Variants in PLEKHH2 observed in about 807,000 individuals in gnomAD.
PLEKHH2 encodes pleckstrin homology domain-containing family H member 2.
PLEKHH2 carries 129 observed loss-of-function variants against 187.9 expected under a neutral mutation model. The ratio of observed to expected loss-of-function variants is 0.69; its 90% CI spans 0.59 to 0.79. The LOEUF is 0.79. Among genes scored for constraint, PLEKHH2 ranks in the 30% least tolerant of loss-of-function variants. The pLI, the probability that PLEKHH2 is intolerant of heterozygous loss-of-function variation, is 0.00. For synonymous variants in PLEKHH2, 686 were observed against 605.6 expected (o/e 1.13, Z -1.95); for missense variants, 2,076 against 1,751.2 (o/e 1.19, Z -3.31).
At chr2:43,747,558 G>A (rs942064228) in intron 24 of PLEKHH2, among the ~76,000 whole-genome samples, 2 of 152,168 alleles carry the variant, frequency 1.3e-5, no homozygotes, top group Non-Finnish European at 2.9e-5. Context: ...AAATGGTAAT[G>A]TACTTTGGCA....
chr2:43,762,424 A>G, intron 28 of PLEKHH2, 34 bp downstream of exon 28: 1 of 1,473,450 alleles, frequency 6.8e-7, no homozygotes, highest in Non-Finnish European at 9.5e-7. Flanking sequence ...GCATTAAGTC[A>G]ACTGTTTCCA....
At chr2:43,692,735 G>C (rs1353570824) in intron 4 of PLEKHH2, 72 bp downstream of exon 4, 4 of 1,480,026 alleles carry the variant, frequency 2.7e-6, no homozygotes, top group Non-Finnish European at 3.7e-6. Context: ...ATTAAAAAGA[G>C]AGAGCCTAAA....
At chr2:43,674,119 C>T (rs191686245) in intron 2 of PLEKHH2, among the ~76,000 whole-genome samples, 33 of 152,274 alleles carry the variant, frequency 2.2e-4, no homozygotes, top group African/African-American at 7.5e-4. Context: ...GTAGAAAGAC[C>T]TGTATTAGTT....
At chr2:43,729,779 G>T in intron 18 of PLEKHH2, 34 bp downstream of exon 18, 1 of 1,447,964 alleles carries the variant, frequency 6.9e-7, no homozygotes. Flanking sequence ...AAGCTTTATG[G>T]TTAATGAAAT....
chr2:43,740,900 C>A, intron 20 of PLEKHH2, 46 bp from the exon 21 acceptor site: 1 of 1,600,660 alleles, frequency 6.2e-7, no homozygotes, highest in South Asian at 1.1e-5. Flanking sequence ...ATGTGGATCT[C>A]TGACTGGCAC....
intron 19 of PLEKHH2, among the ~76,000 whole-genome samples, chr2:43,735,100 G>A (rs1394289664): frequency 2.0e-5 from 3 of 152,186 alleles, no homozygotes; most frequent in Non-Finnish European, 4.4e-5. Context: ...TGAGGCACAA[G>A]AATCGCTTGA....
chr2:43,739,051 C>T (rs765198605), intron 20 of PLEKHH2, among the ~76,000 whole-genome samples: 5 of 152,080 alleles, frequency 3.3e-5, no homozygotes, highest in Non-Finnish European at 5.9e-5. Context: ...GCCAACACTC[C>T]CGGCTAATTT....
chr2:43,677,868 C>T (rs1280374723), intron 2 of PLEKHH2, among the ~76,000 whole-genome samples: 16 of 110,510 alleles, frequency 1.4e-4, no homozygotes, highest in South Asian at 5.7e-4. Flanking sequence ...GGCGGCTGGC[C>T]GGGCGGGGGG....
chr2:43,750,032 T>C (rs986379577), intron 24 of PLEKHH2, among the ~76,000 whole-genome samples: 5 of 152,258 alleles, frequency 3.3e-5, no homozygotes, highest in Non-Finnish European at 5.9e-5. Flanking sequence ...TTTAATTTGA[T>C]TTCTCACTGT....
chr2:43,707,584 C>A (rs747690421), intron 11 of PLEKHH2, 39 bp downstream of exon 11: 2 of 1,602,318 alleles, frequency 1.2e-6, no homozygotes, highest in South Asian at 2.2e-5. Flanking sequence ...AACTCCAGAT[C>A]ATTCTGAATA....
intron 27 of PLEKHH2, among the ~76,000 whole-genome samples, chr2:43,759,369 C>G (rs1224924729): frequency 6.6e-6 from 1 of 152,206 alleles, no homozygotes; most frequent in Non-Finnish European, 1.5e-5. Context: ...GTTCTGTCTG[C>G]TAAACATTGA....
chr2:43,748,171 A>G (rs1289940430), intron 24 of PLEKHH2, among the ~76,000 whole-genome samples: 1 of 152,220 alleles, frequency 6.6e-6, no homozygotes, highest in Non-Finnish European at 1.5e-5. Context: ...GGTTGTGAAC[A>G]CTGGAGCTTC....
chr2:43,731,018 A>G (rs1435073092), intron 18 of PLEKHH2, among the ~76,000 whole-genome samples: 1 of 152,170 alleles, frequency 6.6e-6, no homozygotes, highest in African/African-American at 2.4e-5. Context: ...GTAAATTAGG[A>G]CCCAACTCTT....
chr2:43,712,492 C>A (rs1670016332), intron 15 of PLEKHH2, 109 bp downstream of exon 15: 3 of 1,281,028 alleles, frequency 2.3e-6, no homozygotes, highest in Admixed American at 3.1e-5. Context: ...TTGATATGAT[C>A]TTGGGGATAG....
In PLEKHH2 at chr2:43,743,944, T is replaced by G; in HGVS notation, c.3510T>G (p.Asp1170Glu). Residue 1170 changes from aspartate to glutamate, a missense_variant, in exon 23 of 30, where the codon GAT (aspartate) becomes GAG (glutamate). Coordinates refer to ENST00000282406, the MANE Select transcript of PLEKHH2 (RefSeq NM_172069.4). The part of the protein sequence containing the change: ...AQSGFALFTD[D>E]PSGRDLEHCL... ...CTGGATTTGCGTTGTTCACTGACGA[T>G]CCTTCTGGCAGAGATTTAGAGCATT... The G allele has an allele frequency of 3.1e-6, 5 of 1,614,120 alleles. No homozygotes were observed. The highest frequency in any genetic ancestry group is 3.4e-6 in the Non-Finnish European group (4 of 1,179,988).
chr2:43,654,513 A>C (rs1434990126), intron 2 of PLEKHH2, among the ~76,000 whole-genome samples: 1 of 146,982 alleles, frequency 6.8e-6, no homozygotes, highest in Admixed American at 6.8e-5. Context: ...ATTTTTATAC[A>C]CTGAATTTCT....
intron 18 of PLEKHH2, among the ~76,000 whole-genome samples, chr2:43,730,342 A>C (rs1670977621): frequency 6.6e-6 from 1 of 152,180 alleles, no homozygotes; most frequent in African/African-American, 2.4e-5. Flanking sequence ...TTCTTCTTCC[A>C]GTGTGGCCCA....
At chr2:43,649,376 A>G (rs1265595195) in intron 2 of PLEKHH2, among the ~76,000 whole-genome samples, 2 of 152,238 alleles carry the variant, frequency 1.3e-5, no homozygotes, top group African/African-American at 4.8e-5. Context: ...GAAAAATATG[A>G]AGAATTTTCC....
intron 11 of PLEKHH2, among the ~76,000 whole-genome samples, chr2:43,709,721 A>G (rs894315242): frequency 6.6e-6 from 1 of 152,216 alleles, no homozygotes; most frequent in African/African-American, 2.4e-5. Context: ...CTGTAGCCCC[A>G]GCTACTCGGG....
Sources: gnomAD v4.1 joint callset for allele counts (sites outside exome capture counted in the v4.1 genomes callset) on GRCh38, gnomAD v4.1.1 for gene constraint, MANE v1.5 for transcripts, NCBI Gene and HGNC (gene_info 2026-07-23, HGNC 2026-07-21) for gene names.